The following SC5D variants were observed in gnomAD, a reference collection of about 807,000 sequenced individuals.
SC5D encodes the protein lathosterol oxidase.
Under a neutral mutation model 23.9 loss-of-function variants are expected in SC5D, and 21 were observed. That is an observed-to-expected ratio of 0.88 (90% confidence interval 0.62 to 1.26). SC5D has a LOEUF of 1.26. SC5D is among the 50% of genes most tolerant of loss of function. SC5D has a pLI of 0.00. For synonymous variants in SC5D, 113 were observed against 125.9 expected (o/e 0.90, Z 0.68); for missense variants, 309 against 364.8 (o/e 0.85, Z 1.25).
chr11:121,298,633 T>C (rs1947905639), intron 1 of SC5D, among the ~76,000 whole-genome samples: 1 of 152,232 alleles, frequency 6.6e-6, no homozygotes, highest in Non-Finnish European at 1.5e-5. Context: ...GAAGAAATGC[T>C]GAACATTAAT....
At chr11:121,294,100 G>C (rs1299810123) in intron 1 of SC5D, among the ~76,000 whole-genome samples, 1 of 152,202 alleles carries the variant, frequency 6.6e-6, no homozygotes, top group African/African-American at 2.4e-5. Context: ...AGGGCAAAAA[G>C]ATAATGGTAG....
chr11:121,299,726 C>CA (rs1565567618), intron 1 of SC5D, among the ~76,000 whole-genome samples: 1 of 152,048 alleles, frequency 6.6e-6, no homozygotes, highest in Non-Finnish European at 1.5e-5. Flanking sequence ...CTTGTCCATA[C>CA]AAAAAAATTT....
Position 121,297,648 on chromosome 11 carries a change from C to T in SC5D, c.-11+4832C>T, listed in dbSNP as rs542542259. Among the ~76,000 whole-genome samples the T allele has an allele frequency of 1.6e-4, 24 of 152,108 alleles. 1 individual carries two copies. Among genetic ancestry groups the T allele is most frequent in the South Asian group, 1.5e-3 (7 of 4,812 alleles). On this transcript the variant is annotated intron_variant, in intron 1 of 4. Transcript: ENST00000264027. The stretch of plus-strand genomic sequence containing the variant: ...AAAGAATAGAAAAACAGATCGTGGA[C>T]GTTTTATAGTGGTAGTAAGGACTAA...
rs1160876312 is a variant in SC5D at position 121,311,114 on chromosome 11, G to T, written c.*3602G>T. On this transcript the variant is annotated 3_prime_UTR_variant, in exon 5 of 5. Transcript: ENST00000264027. ...CAGATTCCTTGGAAGTAGAGACCGT[G>T]TCTGAATCATCATTGTATTAAACCA... 1.3e-5 allele frequency among the ~76,000 whole-genome samples: 2 copies of T among 152,206 alleles called. No individual in the cohort carries two copies. Among genetic ancestry groups the T allele is most frequent in the Admixed American group, 1.3e-4 (2 of 15,278 alleles).
At position 121,293,851 on chromosome 11, in the gene SC5D, T is replaced by G. The variant is rs572090846; in HGVS notation, c.-11+1035T>G. ...TCTGCATATAAAACATCTTGAGAGA[T>G]AACATAACGTGGTAGCAAAGAGAAA... On this transcript the variant is annotated intron_variant, in intron 1 of 4. Transcript: ENST00000264027. Among the ~76,000 whole-genome samples the G allele has an allele frequency of 2.6e-5, 4 of 152,342 alleles. No individual in the cohort carries two copies. In the South Asian group the frequency reaches 8.3e-4, roughly 32 times the overall value.
chr11:121,307,535 G>A lies in SC5D; in HGVS notation c.*23G>A. The A allele has an allele frequency of 6.8e-7, 1 of 1,480,340 alleles. No individual in the cohort carries two copies. Among genetic ancestry groups the A allele is most frequent in the Non-Finnish European group, 9.3e-7 (1 of 1,078,200 alleles). The allele number at this position is 1,480,340 out of a possible 1,614,324, so 91.7% of individuals were successfully genotyped here. A position where few individuals can be genotyped will look rare whatever the true frequency, so the allele number is the denominator to read the frequency against. On this transcript the variant is annotated 3_prime_UTR_variant, in exon 5 of 5. Transcript: ENST00000264027. ...TAGATTATTGCCCAGTTATTCTTAA[G>A]TAAGGACAAAGAAGGAAATATCATC...
At chr11:121,301,995 G>T (rs905493472) in intron 1 of SC5D, among the ~76,000 whole-genome samples, 12 of 152,146 alleles carry the variant, frequency 7.9e-5, no homozygotes, top group African/African-American at 2.7e-4. Flanking sequence ...AGGTGGAAAT[G>T]AAATGACGGT....
In SC5D at chr11:121,303,367, G is replaced by A. The variant is rs1208091622; in HGVS notation, c.-9G>A. ...TTGTCACACATGCTTATTTTTTAGG[G>A]GCTAAGTGATGGATCTTGTACTCCG... On this transcript the variant is annotated splice_region_variant and 5_prime_UTR_variant, in exon 2 of 5. Coordinates refer to ENST00000264027, the MANE Select transcript of SC5D (RefSeq NM_006918.5). 8 of 1,613,196 alleles carry A rather than the reference G, an allele frequency of 5.0e-6. No homozygotes were observed. In the East Asian group the frequency reaches 1.1e-4, roughly 22 times the overall value.
At chr11:121,302,823 A>T (rs1947934757) in intron 1 of SC5D, among the ~76,000 whole-genome samples, 1 of 152,160 alleles carries the variant, frequency 6.6e-6, no homozygotes, top group Non-Finnish European at 1.5e-5. Flanking sequence ...TTGTTCTGTC[A>T]ATGGGAGTGT....
At position 121,308,557 on chromosome 11, in the gene SC5D, A is replaced by G. The variant is rs1423480904; in HGVS notation, c.*1045A>G. 2 of 152,672 alleles carry G rather than the reference A, an allele frequency of 1.3e-5. No individual in the cohort carries two copies. Among genetic ancestry groups the G allele is most frequent in the Non-Finnish European group, 2.9e-5 (2 of 68,050 alleles). 9.5% of individuals were successfully genotyped at this position (152,672 alleles called of 1,614,324 possible). A position where few individuals can be genotyped will look rare whatever the true frequency, so the allele number is the denominator to read the frequency against. On this transcript the variant is annotated 3_prime_UTR_variant, in exon 5 of 5. Coordinates refer to ENST00000264027, the MANE Select transcript of SC5D (RefSeq NM_006918.5). ...TAAGGAAATGTGTGTTGTAACAAAT[A>G]TATTGCAAAAACATAGTTTGTAAAG...
intron 1 of SC5D, among the ~76,000 whole-genome samples, chr11:121,300,533 C>T (rs1565567842): frequency 6.6e-6 from 1 of 152,178 alleles, no homozygotes; most frequent in Non-Finnish European, 1.5e-5. Context: ...CAAGGAGAGT[C>T]ATTATTTACA....
intron 1 of SC5D, among the ~76,000 whole-genome samples, chr11:121,297,770 T>C (rs1947899478): frequency 1.3e-5 from 2 of 152,240 alleles, no homozygotes; most frequent in African/African-American, 4.8e-5. Context: ...AGTAAACAGA[T>C]GCCACTCATT....
Position 121,303,406 on chromosome 11 carries a change from T to A in SC5D, c.31T>A (p.Tyr11Asn). 1 of 1,614,076 alleles carries A rather than the reference T, an allele frequency of 6.2e-7. No homozygotes were observed. The highest frequency in any genetic ancestry group is 1.1e-5 in the South Asian group (1 of 91,084). The change falls in exon 2 of 5, where the codon TAT (tyrosine) becomes AAT (asparagine). Residue 11 changes from tyrosine to asparagine, a missense_variant. Tyr to Asn is a moderately radical substitution (Grantham distance 143). Transcript: ENST00000264027. ...TCTTGTACTCCGTGTTGCAGATTAC[T>A]ATTTTTTTACACCATACGTGTATCC... is the stretch of plus-strand genomic sequence containing the variant. MDLVLRVADYYFFTPYVYPAT... is the reference protein window; with the variant it reads MDLVLRVADYNFFTPYVYPAT...
chr11:121,294,498 C>T (rs1947875635), intron 1 of SC5D, among the ~76,000 whole-genome samples: 2 of 151,954 alleles, frequency 1.3e-5, no homozygotes, highest in Admixed American at 1.3e-4. Context: ...TAGTACCTAC[C>T]TTTGAGGCTT....
intron 1 of SC5D, chr11:121,293,049 C>G (rs959254295): frequency 6.6e-6 from 1 of 152,254 alleles, no homozygotes; most frequent in Non-Finnish European, 1.5e-5. Context: ...GGATCCGAGT[C>G]CTGCGCCGAG....
At position 121,307,600 on chromosome 11, in the gene SC5D, C is replaced by A; in HGVS notation, c.*88C>A. 1.2e-6 allele frequency: 1 copy of A among 835,032 alleles called. No individual in the cohort carries two copies. The highest frequency in any genetic ancestry group is 1.8e-6 in the Non-Finnish European group (1 of 542,034). 51.7% of individuals were successfully genotyped at this position (835,032 alleles called of 1,614,324 possible). On this transcript the variant is annotated 3_prime_UTR_variant, in exon 5 of 5. Transcript: ENST00000264027. ...TAATAAGGAAAAAATAATATCCATACAGTCAAGATACATAGTAAATGGTAT... is the reference window on the plus strand; with the variant it reads ...TAATAAGGAAAAAATAATATCCATAAAGTCAAGATACATAGTAAATGGTAT...
chr11:121,293,356 GT>G (rs1234521103), intron 1 of SC5D, among the ~76,000 whole-genome samples: 4 of 152,176 alleles, frequency 2.6e-5, no homozygotes, highest in African/African-American at 9.7e-5. Flanking sequence ...TTCTGGGAGG[GT>G]TTTTTTCTTT....
In SC5D at chr11:121,308,066, C is replaced by T. The variant is rs1947981266; in HGVS notation, c.*554C>T. On this transcript the variant is annotated 3_prime_UTR_variant, in exon 5 of 5. Coordinates refer to ENST00000264027, the MANE Select transcript of SC5D (RefSeq NM_006918.5). ...GATACATTAGCAGCTATGTAAATGA[C>T]CTAATTGATAGCAGGTGTAATAAGA... The T allele has an allele frequency of 6.5e-6, 1 of 153,072 alleles. No individual in the cohort carries two copies. Among genetic ancestry groups the T allele is most frequent in the African/African-American group, 2.4e-5 (1 of 41,428 alleles). 9.5% of individuals were successfully genotyped at this position (153,072 alleles called of 1,614,324 possible).
In SC5D at chr11:121,307,580, AG is replaced by A; in HGVS notation, c.*70del. 9.0e-7 allele frequency: 1 copy of A among 1,105,784 alleles called. No individual in the cohort carries two copies. Among genetic ancestry groups the A allele is most frequent in the Non-Finnish European group, 1.3e-6 (1 of 778,878 alleles). 68.5% of individuals were successfully genotyped at this position (1,105,784 alleles called of 1,614,324 possible). On this transcript the variant is annotated 3_prime_UTR_variant, in exon 5 of 5. Coordinates refer to ENST00000264027, the MANE Select transcript of SC5D (RefSeq NM_006918.5). ...ATCATCGTATTTCTTTTTTTTAATA[AG>A]GAAAAAATAATATCCATACAGTCAA...
Sources: gnomAD v4.1 joint callset for allele counts (sites outside exome capture counted in the v4.1 genomes callset) on GRCh38, gnomAD v4.1.1 for gene constraint, MANE v1.5 for transcripts, NCBI Gene and HGNC (gene_info 2026-07-23, HGNC 2026-07-21) for gene names.